MCL1: variants seen among roughly 807,000 people sequenced by gnomAD.
MCL1 encodes the protein induced myeloid leukemia cell differentiation protein Mcl-1.
MCL1 carries 4 observed loss-of-function variants against 24.2 expected under a neutral mutation model. The observed-to-expected ratio is 0.17, with a 90% confidence interval of 0.08 to 0.38. The LOEUF (loss-of-function observed/expected upper bound fraction) is 0.38, where lower values mean the gene tolerates loss of function less well. Ranked by LOEUF, MCL1 falls within the 10% of genes least tolerant of loss-of-function variation. MCL1 has a pLI of 1.00. For missense variants in MCL1, 529 were observed against 480.3 expected (o/e 1.10, Z -0.95); for synonymous variants, 248 against 214.0 (o/e 1.16, Z -1.39).
At position 150,576,451 on chromosome 1, in the gene MCL1, C is replaced by T. The variant is rs1647809755; in HGVS notation, c.*924G>A. Reference sequence around the variant, plus strand: ...CCAAAATCAGATAAGAAAATTTAAACCTGCATAGTTATCAGATTTGTTCCA... The same window carrying T: ...CCAAAATCAGATAAGAAAATTTAAATCTGCATAGTTATCAGATTTGTTCCA... On this transcript the variant is annotated 3_prime_UTR_variant, in exon 3 of 3. Transcript: ENST00000369026. 1 of 232,148 alleles carries T rather than the reference C, an allele frequency of 4.3e-6. No individual in the cohort carries two copies. Among genetic ancestry groups the T allele is most frequent in the Non-Finnish European group, 8.5e-6 (1 of 117,280 alleles). 14.4% of individuals were successfully genotyped at this position (232,148 alleles called of 1,614,324 possible).
chr1:150,577,315 A>G lies in MCL1; in HGVS notation c.*60T>C, dbSNP rs1647850117. On this transcript the variant is annotated 3_prime_UTR_variant, in exon 3 of 3. Transcript: ENST00000369026. The stretch of plus-strand genomic sequence containing the variant: ...GTTACAGCTTGGAGTCCAACTGCAT[A>G]AACTGGTTTTGGTGGTGGTGGTGGT... The G allele has an allele frequency of 6.3e-7, 1 of 1,591,718 alleles. No individual in the cohort carries two copies. The highest frequency in any genetic ancestry group is 8.5e-7 in the Non-Finnish European group (1 of 1,170,138).
rs1055329904 is a variant in MCL1 at position 150,578,478 on chromosome 1, T to C, written c.702A>G (p.Lys234=). 2 of 1,614,184 alleles carry C rather than the reference T, an allele frequency of 1.2e-6. No individual in the cohort carries two copies. The highest frequency in any genetic ancestry group is 2.2e-5 in the East Asian group (1 of 44,886). Residue 234 remains lysine (K), a synonymous_variant, in exon 2 of 3, where the codon AAA becomes AAG. Transcript: ENST00000369026. ...HETAFQGMLR[K]LDIKNEDDVK... ...CATCGTCTTCGTTTTTGATGTCCAG[T>C]TTCCGAAGCATGCCTGAGAAAGAAA...
Position 150,574,759 on chromosome 1 carries a change from TGA to T in MCL1, c.*2614_*2615del, listed in dbSNP as rs1019212361. The T allele has an allele frequency of 8.6e-6, 2 of 232,970 alleles. No individual in the cohort carries two copies. The highest frequency in any genetic ancestry group is 1.7e-5 in the Non-Finnish European group (2 of 117,674). 14.4% of individuals were successfully genotyped at this position (232,970 alleles called of 1,614,324 possible). ...CACTAGAGGACTGCATGTTTTTCCC[TGA>T]GAGAAGCGTAAGACAAACAGAAGTC... On this transcript the variant is annotated 3_prime_UTR_variant, in exon 3 of 3. Transcript: ENST00000369026.
chr1:150,577,766 G>A (rs114044068), intron 2 of MCL1, among the ~76,000 whole-genome samples: 1 of 152,268 alleles, frequency 6.6e-6, no homozygotes, highest in South Asian at 2.1e-4. Flanking sequence ...TGAGGTAAAA[G>A]ACGAAAACCC....
Position 150,576,272 on chromosome 1 carries a change from T to C in MCL1, c.*1103A>G, listed in dbSNP as rs934487328. ...AAATGGAAGGAACTCAAATGAGTAT[T>C]GCCCAATCAGAGCCCATTATTTGTA... On this transcript the variant is annotated 3_prime_UTR_variant, in exon 3 of 3. Transcript: ENST00000369026. The C allele has an allele frequency of 4.3e-6, 1 of 233,010 alleles. No homozygotes were observed. Among genetic ancestry groups the C allele is most frequent in the African/African-American group, 2.2e-5 (1 of 45,322 alleles). 14.4% of individuals were successfully genotyped at this position (233,010 alleles called of 1,614,324 possible). A position where few individuals can be genotyped will look rare whatever the true frequency, so the allele number is the denominator to read the frequency against.
At chr1:150,578,592 C>T (rs1647919297) in intron 1 of MCL1, 101 bp from the exon 2 acceptor site, 1 of 1,458,238 alleles carries the variant, frequency 6.9e-7, no homozygotes, top group Non-Finnish European at 9.4e-7. Context: ...CTGGGATTTA[C>T]AGAACTCAGG....
rs1445925900 is a variant in MCL1 at position 150,579,508 on chromosome 1, G to A, written c.23C>T (p.Ala8Val). 1 of 1,601,802 alleles carries A rather than the reference G, an allele frequency of 6.2e-7. No individual in the cohort carries two copies. The highest frequency in any genetic ancestry group is 8.5e-7 in the Non-Finnish European group (1 of 1,175,180). The change falls in exon 1 of 3, where the codon GCG becomes GTG. Residue 8 changes from alanine to valine, a missense_variant. By Grantham distance (64) the Ala-to-Val change is moderately conservative. Transcript: ENST00000369026. ...ACAGTAGAGGTTGAGTCCGATTACC[G>A]CGTTTCTTTTGAGGCCAAACATTGC... Reference protein sequence around the residue: MFGLKRNAVIGLNLYCGG... With the variant: MFGLKRNVVIGLNLYCGG...
chr1:150,576,877 CTAAT>C lies in MCL1; in HGVS notation c.*494_*497del, dbSNP rs1647830100. The C allele has an allele frequency of 4.3e-6, 1 of 233,300 alleles. No individual in the cohort carries two copies. The highest frequency in any genetic ancestry group is 8.5e-6 in the Non-Finnish European group (1 of 117,966). The allele number at this position is 233,300 out of a possible 1,614,324, so 14.5% of individuals were successfully genotyped here. On this transcript the variant is annotated 3_prime_UTR_variant, in exon 3 of 3. Transcript: ENST00000369026. ...CTTTCTAAGAAGTATACTGGGAAAGCTAATTAGAGAGAGGAAAAGCTTCCCTTGT... is the reference window on the plus strand; with the variant it reads ...CTTTCTAAGAAGTATACTGGGAAAGCTAGAGAGAGGAAAAGCTTCCCTTGT...
In MCL1 at chr1:150,578,291, C is replaced by T. The variant is rs587675079; in HGVS notation, c.889G>A (p.Val297Ile). The T allele has an allele frequency of 1.9e-6, 3 of 1,614,148 alleles. No individual in the cohort carries two copies. The African/African-American group carries it at 4.0e-5, about 22-fold the overall frequency. ...IEPLAESITD[V>I]LVRTKRDWLV... ...CAGTCCCGTTTTGTCCTTACGAGAA[C>T]GTCTGTGATACTTTCTGCTAATGGT... The change falls in exon 2 of 3, where the codon GTT (valine) becomes ATT (isoleucine). Residue 297 changes from valine to isoleucine, a missense_variant. Val to Ile is a conservative substitution (Grantham distance 29, BLOSUM62 3). Coordinates refer to ENST00000369026, the MANE Select transcript of MCL1 (RefSeq NM_021960.5).
In MCL1 at chr1:150,574,656, C is replaced by G. The variant is rs1383709885; in HGVS notation, c.*2719G>C. On this transcript the variant is annotated 3_prime_UTR_variant, in exon 3 of 3. Coordinates refer to ENST00000369026, the MANE Select transcript of MCL1 (RefSeq NM_021960.5). The stretch of plus-strand genomic sequence containing the variant: ...ACATTAATTTGTAGTTGGTCCTAAC[C>G]CTTCCTGGCACAGCTATCAAAAGTA... 1 of 232,960 alleles carries G rather than the reference C, an allele frequency of 4.3e-6. No homozygotes were observed. Among genetic ancestry groups the G allele is most frequent in the Non-Finnish European group, 8.5e-6 (1 of 117,766 alleles). The allele number at this position is 232,960 out of a possible 1,614,324, so 14.4% of individuals were successfully genotyped here. A position where few individuals can be genotyped will look rare whatever the true frequency, so the allele number is the denominator to read the frequency against.
At position 150,576,047 on chromosome 1, in the gene MCL1, T is replaced by C. The variant is rs1647785934; in HGVS notation, c.*1328A>G. ...ACAAGCAAGCCTAATAATAGCACCA[T>C]GGTTAGACTAGCCTGCTTTTCCAAG... On this transcript the variant is annotated 3_prime_UTR_variant, in exon 3 of 3. Transcript: ENST00000369026. 8.6e-6 allele frequency: 2 copies of C among 233,682 alleles called. No homozygotes were observed. The highest frequency in any genetic ancestry group is 1.7e-5 in the Non-Finnish European group (2 of 118,038). The allele number at this position is 233,682 out of a possible 1,614,324, so 14.5% of individuals were successfully genotyped here. A position where few individuals can be genotyped will look rare whatever the true frequency, so the allele number is the denominator to read the frequency against.
chr1:150,577,553 C>T, intron 2 of MCL1, 62 bp from the exon 3 acceptor site: 15 of 1,466,064 alleles, frequency 1.0e-5, no homozygotes, highest in Non-Finnish European at 1.3e-5. Flanking sequence ...TACAACACTA[C>T]TATCCAGAGA....
In MCL1 at chr1:150,579,527, A is replaced by C; in HGVS notation, c.4T>G (p.Phe2Val). M[F>V]GLKRNAVIGL... Reference sequence around the variant, plus strand: ...ATTACCGCGTTTCTTTTGAGGCCAAACATTGCCAGTCGCCGCCGCCGCCTG... The same window carrying C: ...ATTACCGCGTTTCTTTTGAGGCCAACCATTGCCAGTCGCCGCCGCCGCCTG... The change falls in exon 1 of 3, where the codon TTT becomes GTT. Residue 2 changes from phenylalanine to valine, a missense_variant. By Grantham distance (50) the Phe-to-Val change is conservative (BLOSUM62 -1). Coordinates refer to ENST00000369026, the MANE Select transcript of MCL1 (RefSeq NM_021960.5). The C allele has an allele frequency of 6.3e-7, 1 of 1,597,972 alleles. No homozygotes were observed. The highest frequency in any genetic ancestry group is 8.5e-7 in the Non-Finnish European group (1 of 1,173,404).
intron 2 of MCL1, 76 bp from the exon 3 acceptor site, chr1:150,577,567 G>T: frequency 1.4e-6 from 2 of 1,414,290 alleles, no homozygotes; most frequent in Non-Finnish European, 1.9e-6. Flanking sequence ...CCAGAGAGAA[G>T]GTAAATTAAA....
In MCL1 at chr1:150,578,374, G is replaced by T; in HGVS notation, c.806C>A (p.Ser269Tyr). Reference protein sequence around the residue: ...TNWGRIVTLISFGAFVAKHLK... With the variant: ...TNWGRIVTLIYFGAFVAKHLK... The stretch of plus-strand genomic sequence containing the variant: ...GTGTTTAGCCACAAAGGCACCAAAA[G>T]AAATGAGAGTCACAATCCTGCCCCA... Residue 269 changes from serine to tyrosine, a missense_variant, in exon 2 of 3, where the codon TCT becomes TAT. Ser to Tyr is a moderately radical substitution (Grantham distance 144). Transcript: ENST00000369026. 1 of 1,614,216 alleles carries T rather than the reference G, an allele frequency of 6.2e-7. No individual in the cohort carries two copies. The highest frequency in any genetic ancestry group is 8.5e-7 in the Non-Finnish European group (1 of 1,180,032).
rs1335958593 is a variant in MCL1 at position 150,579,582 on chromosome 1, C to T, written c.-52G>A. ...AGAAAACTGGGGAAGACCCCGACTCCTTACTGGAAGGAAGCGGAAGTGAGA... is the reference window on the plus strand; with the variant it reads ...AGAAAACTGGGGAAGACCCCGACTCTTTACTGGAAGGAAGCGGAAGTGAGA... On this transcript the variant is annotated 5_prime_UTR_variant, in exon 1 of 3. Coordinates refer to ENST00000369026, the MANE Select transcript of MCL1 (RefSeq NM_021960.5). The T allele has an allele frequency of 6.5e-7, 1 of 1,542,450 alleles. No homozygotes were observed. The highest frequency in any genetic ancestry group is 1.4e-5 in the African/African-American group (1 of 71,078).
intron 2 of MCL1, 96 bp from the exon 3 acceptor site, chr1:150,577,587 G>A (rs2101693984): frequency 7.6e-7 from 1 of 1,322,800 alleles, no homozygotes; most frequent in Non-Finnish European, 1.0e-6. Context: ...AATATCTAAG[G>A]TTTCCCCCTA....
Position 150,576,749 on chromosome 1 carries a change from G to C in MCL1, c.*626C>G, listed in dbSNP as rs933020913. The stretch of plus-strand genomic sequence containing the variant: ...ATATCCATATTCATAACTAATTACT[G>C]AGCCTTCCGTCAAGTATTATTGGTG... On this transcript the variant is annotated 3_prime_UTR_variant, in exon 3 of 3. Coordinates refer to ENST00000369026, the MANE Select transcript of MCL1 (RefSeq NM_021960.5). 5 of 232,408 alleles carry C rather than the reference G, an allele frequency of 2.2e-5. No homozygotes were observed. In the Admixed American group the frequency reaches 2.8e-4, roughly 13 times the overall value. The allele number at this position is 232,408 out of a possible 1,614,324, so 14.4% of individuals were successfully genotyped here.
At chr1:150,578,095 A>T (rs933967354) in intron 2 of MCL1, 149 bp downstream of exon 2, 1 of 939,804 alleles carries the variant, frequency 1.1e-6, no homozygotes, top group Non-Finnish European at 1.6e-6. Context: ...TCCACTACTT[A>T]AATCAACATC....
Sources: gnomAD v4.1 joint callset for allele counts (sites outside exome capture counted in the v4.1 genomes callset) on GRCh38, gnomAD v4.1.1 for gene constraint, MANE v1.5 for transcripts, NCBI Gene and HGNC (gene_info 2026-07-23, HGNC 2026-07-21) for gene names.